The following PCDHGB4 variants were observed in gnomAD, a reference collection of about 807,000 sequenced individuals.
PCDHGB4 encodes protocadherin gamma-B4.
In PCDHGB4, 38 loss-of-function variants were observed where a neutral mutation model predicts 60.5. That is an observed-to-expected ratio of 0.63 (90% CI 0.48 to 0.82). The LOEUF is 0.82. Among genes scored for constraint, PCDHGB4 ranks in the 40% least tolerant of loss-of-function variants. The pLI is 0.00. For missense variants in PCDHGB4, 1,109 were observed against 1,209.6 expected, an observed-to-expected ratio of 0.92 and a Z score of 1.23; for synonymous variants, 456 against 509.7, an observed-to-expected ratio of 0.89 and a Z score of 1.42.
intron 1 of PCDHGB4, chr5:141,394,255 G>A (rs1321065161): frequency 6.2e-7 from 1 of 1,613,934 alleles, no homozygotes; most frequent in South Asian, 1.1e-5. Flanking sequence ...GACCCCGACA[G>A]CCAGGAGAAT....
chr5:141,431,356 C>T lies in PCDHGB4; in HGVS notation c.2397+41075C>T. ...ACCCCGAATTGGTGCTGAAACGCGC[C>T]CTGGACCGCGAAGAAAAGGCTGCTC... On this transcript the variant is annotated intron_variant, in intron 1 of 3. Transcript: ENST00000519479. This position sits in a 1 kb window ranked among gnomAD's most constrained non-coding sequence, Gnocchi z 4.8. 6.2e-7 allele frequency: 1 copy of T among 1,614,004 alleles called. No individual in the cohort carries two copies. The highest frequency in any genetic ancestry group is 8.5e-7 in the Non-Finnish European group (1 of 1,180,026).
intron 1 of PCDHGB4, chr5:141,409,809 A>G: frequency 1.2e-6 from 2 of 1,611,542 alleles, no homozygotes; most frequent in Non-Finnish European, 1.7e-6. Context: ...CAGGCCCGCG[A>G]CCACGGCTCG....
chr5:141,426,614 G>T (rs1468159807), intron 1 of PCDHGB4: 25 of 385,508 alleles, frequency 6.5e-5, no homozygotes, highest in Non-Finnish European at 1.3e-4. Context: ...TTGTAGCAGA[G>T]AATCCTCTAA....
intron 2 of PCDHGB4, among the ~76,000 whole-genome samples, chr5:141,495,175 C>A (rs1337353259): frequency 6.6e-6 from 1 of 152,300 alleles, no homozygotes; most frequent in Middle Eastern, 3.4e-3. Flanking sequence ...TGGGTGAAAG[C>A]GAGGCTTTCT....
intron 1 of PCDHGB4, chr5:141,396,447 C>A: frequency 6.6e-6 from 1 of 152,186 alleles, no homozygotes. Flanking sequence ...GGTGAAACCC[C>A]GTCTCTACTA....
intron 1 of PCDHGB4, chr5:141,408,397 G>T: frequency 6.2e-7 from 1 of 1,614,068 alleles, no homozygotes; most frequent in Non-Finnish European, 8.5e-7. Context: ...CGGCTCGCAA[G>T]CTGCGAGTGA....
At chr5:141,500,488 C>T (rs569168291) in intron 2 of PCDHGB4, among the ~76,000 whole-genome samples, 4 of 152,178 alleles carry the variant, frequency 2.6e-5, no homozygotes, top group South Asian at 2.1e-4. Flanking sequence ...GGATTACAGG[C>T]GTGAGCCACC....
At chr5:141,458,787 C>A (rs968490647) in intron 1 of PCDHGB4, among the ~76,000 whole-genome samples, 1 of 152,004 alleles carries the variant, frequency 6.6e-6, no homozygotes, top group African/African-American at 2.4e-5. Flanking sequence ...GGCTGGAGTG[C>A]AGTGGTGTGA....
rs940812767 is a variant in PCDHGB4, at chr5:141,387,732, C to T, written c.-153C>T. 3.9e-6 allele frequency: 5 copies of T among 1,279,332 alleles called. No individual in the cohort carries two copies. Among genetic ancestry groups the T allele is most frequent in the Non-Finnish European group, 5.3e-6 (5 of 942,340 alleles). 79.2% of individuals were successfully genotyped at this position (1,279,332 alleles called of 1,614,324 possible). A position where few individuals can be genotyped will look rare whatever the true frequency, so the allele number is the denominator to read the frequency against. Reference sequence around the variant, plus strand: ...CCAGCTCAGACTCCCCAGCGCCAGCCTTTACACCGCTTCCTCCTCGGAAAA... The same window carrying T: ...CCAGCTCAGACTCCCCAGCGCCAGCTTTTACACCGCTTCCTCCTCGGAAAA... On this transcript the variant is annotated 5_prime_UTR_variant, in exon 1 of 4. Coordinates refer to ENST00000519479, the MANE Select transcript of PCDHGB4 (RefSeq NM_003736.4).
intron 1 of PCDHGB4, chr5:141,433,240 C>A (rs533423214): frequency 1.3e-6 from 2 of 1,488,038 alleles, no homozygotes; most frequent in Non-Finnish European, 1.8e-6. Flanking sequence ...GTCTCCCAAG[C>A]TGGAATGCAG....
intron 1 of PCDHGB4, chr5:141,403,394 C>A: frequency 6.2e-7 from 1 of 1,614,054 alleles, no homozygotes; most frequent in South Asian, 1.1e-5. Flanking sequence ...AATCGCGGTT[C>A]CTGGAGCACG....
In PCDHGB4 at chr5:141,477,453, A is replaced by T; in HGVS notation, c.2398-17354A>T. On this transcript the variant is annotated intron_variant, in intron 1 of 3. Transcript: ENST00000519479. This position sits in a 1 kb window ranked among gnomAD's most constrained non-coding sequence, Gnocchi z 4.9. Reference sequence around the variant, plus strand: ...TCAGCCCTTACAATAGTGCGTGTTCAAGTGTCCGACATCAATGACAACCCT... The same window carrying T: ...TCAGCCCTTACAATAGTGCGTGTTCTAGTGTCCGACATCAATGACAACCCT... The T allele has an allele frequency of 6.2e-7, 1 of 1,614,136 alleles. No homozygotes were observed. The highest frequency in any genetic ancestry group is 8.5e-7 in the Non-Finnish European group (1 of 1,180,026).
chr5:141,500,521 A>T lies in PCDHGB4; in HGVS notation c.2457-4872A>T, dbSNP rs185546944. 3.7e-3 allele frequency among the ~76,000 whole-genome samples: 560 copies of T among 152,176 alleles called. 5 individuals are homozygous for T. Among genetic ancestry groups the T allele is most frequent in the Admixed American group, 0.011 (162 of 15,280 alleles). On this transcript the variant is annotated intron_variant, in intron 2 of 3. Coordinates refer to ENST00000519479, the MANE Select transcript of PCDHGB4 (RefSeq NM_003736.4). Reference sequence around the variant, plus strand: ...ACCGCGCCTGGCCGAGCTTCATTTTAAAAAAATCTCATTCACCTAAATAAG... The same window carrying T: ...ACCGCGCCTGGCCGAGCTTCATTTTTAAAAAATCTCATTCACCTAAATAAG...
At position 141,431,367 on chromosome 5, in the gene PCDHGB4, A is replaced by G; in HGVS notation, c.2397+41086A>G. 1.2e-6 allele frequency: 2 copies of G among 1,613,984 alleles called. No homozygotes were observed. The highest frequency in any genetic ancestry group is 2.2e-5 in the South Asian group (2 of 91,084). On this transcript the variant is annotated intron_variant, in intron 1 of 3. Coordinates refer to ENST00000519479, the MANE Select transcript of PCDHGB4 (RefSeq NM_003736.4). This position sits in a 1 kb window ranked among gnomAD's most constrained non-coding sequence, Gnocchi z 4.8. ...GTGCTGAAACGCGCCCTGGACCGCGAAGAAAAGGCTGCTCACCACCTGGTC... is the reference window on the plus strand; with the variant it reads ...GTGCTGAAACGCGCCCTGGACCGCGGAGAAAAGGCTGCTCACCACCTGGTC...
chr5:141,431,726 G>C lies in PCDHGB4; in HGVS notation c.2397+41445G>C. On this transcript the variant is annotated intron_variant, in intron 1 of 3. Coordinates refer to ENST00000519479, the MANE Select transcript of PCDHGB4 (RefSeq NM_003736.4). The surrounding 1 kb of genome is among the most constrained non-coding windows in gnomAD (Gnocchi z 4.8). ...CTACCAGATGGAAGTGCAAGCAATG[G>C]ATAATGCAGGATATTCTGCGCGAGC... The C allele has an allele frequency of 6.2e-7, 1 of 1,614,204 alleles. No homozygotes were observed. Among genetic ancestry groups the C allele is most frequent in the Non-Finnish European group, 8.5e-7 (1 of 1,180,032 alleles).
intron 1 of PCDHGB4, chr5:141,422,945 C>T (rs13188215): frequency 6.2e-7 from 1 of 1,614,134 alleles, no homozygotes; most frequent in Non-Finnish European, 8.5e-7. Context: ...ACAGACGGCT[C>T]CACTGGCGTG....
At chr5:141,416,119 T>G (rs930613185) in intron 1 of PCDHGB4, 1 of 155,364 alleles carries the variant, frequency 6.4e-6, no homozygotes, top group Admixed American at 6.5e-5. Flanking sequence ...AACTACATTT[T>G]ATATATTTTT....
intron 1 of PCDHGB4, chr5:141,430,886 T>C: frequency 6.2e-7 from 1 of 1,605,190 alleles, no homozygotes; most frequent in Non-Finnish European, 8.5e-7. Context: ...GGAGAAAGGC[T>C]CTAGGGTGGG....
intron 2 of PCDHGB4, among the ~76,000 whole-genome samples, chr5:141,498,825 C>A (rs2099786017): frequency 6.6e-6 from 1 of 151,974 alleles, no homozygotes; most frequent in Admixed American, 6.6e-5. Flanking sequence ...CCCAGCTACT[C>A]AGGAGGCTGA....
Sources: gnomAD v4.1 joint callset for allele counts (sites outside exome capture counted in the v4.1 genomes callset) on GRCh38, gnomAD v4.1.1 for gene constraint, Gnocchi (gnomAD v3.1) non-coding constraint, MANE v1.5 for transcripts, NCBI Gene and HGNC (gene_info 2026-07-23, HGNC 2026-07-21) for gene names.